KCNH8: variants seen among roughly 807,000 people sequenced by gnomAD.
The protein encoded by KCNH8 is potassium voltage-gated channel subfamily H member 8.
A neutral mutation model predicts 103.6 loss-of-function variants in KCNH8; 70 were observed. The ratio of observed to expected loss-of-function variants is 0.68; its 90% CI spans 0.56 to 0.82. The LOEUF is 0.82. Ranked by LOEUF, KCNH8 falls within the 40% of genes least tolerant of loss-of-function variation. KCNH8 has a pLI of 0.00. For missense variants in KCNH8, 1,217 were observed against 1,329.9 expected (o/e 0.92, Z 1.32); for synonymous variants, 498 against 489.4 (o/e 1.02, Z -0.23).
chr3:19,400,812 G>GA (rs1006514965), intron 7 of KCNH8, among the ~76,000 whole-genome samples: 5 of 150,476 alleles, frequency 3.3e-5, no homozygotes, highest in South Asian at 4.2e-4. Context: ...CCTTTTGTAA[G>GA]AAAAAAAAAT....
At chr3:19,376,527 C>T (rs1396447501) in intron 5 of KCNH8, among the ~76,000 whole-genome samples, 1 of 152,146 alleles carries the variant, frequency 6.6e-6, no homozygotes, top group Non-Finnish European at 1.5e-5. Flanking sequence ...GAACCCGGTA[C>T]CTCAGATGGA....
At position 19,515,244 on chromosome 3, in the gene KCNH8, A is replaced by G. The variant is rs578194983; in HGVS notation, c.2436-78A>G. Reference sequence around the variant, plus strand: ...ATCTAGAATTTAGAAATTTAACATAATATCTTTTAACTCTTTAAAAATACT... The same window carrying G: ...ATCTAGAATTTAGAAATTTAACATAGTATCTTTTAACTCTTTAAAAATACT... On this transcript the variant is annotated intron_variant, in intron 13 of 15. Coordinates refer to ENST00000328405, the MANE Select transcript of KCNH8 (RefSeq NM_144633.3). The G allele has an allele frequency of 5.4e-5, 41 of 756,502 alleles. No individual in the cohort carries two copies. The South Asian group carries it at 5.7e-4, about 11-fold the overall frequency. 46.9% of individuals were successfully genotyped at this position (756,502 alleles called of 1,614,324 possible). A position where few individuals can be genotyped will look rare whatever the true frequency, so the allele number is the denominator to read the frequency against.
chr3:19,301,794 C>T (rs1467632432), intron 3 of KCNH8, among the ~76,000 whole-genome samples: 8 of 152,222 alleles, frequency 5.3e-5, no homozygotes, highest in Non-Finnish European at 1.0e-4. Context: ...AATGGAGTTA[C>T]TACAACTACT....
intron 3 of KCNH8, among the ~76,000 whole-genome samples, chr3:19,291,183 T>C (rs1200618383): frequency 1.3e-4 from 20 of 152,296 alleles, no homozygotes; most frequent in Non-Finnish European, 7.4e-5. Flanking sequence ...ATTGATCTTT[T>C]CAAAAAACCA....
rs959805387 is a variant in KCNH8, at chr3:19,338,000, G to C, written c.443-4587G>C. Among the ~76,000 whole-genome samples the C allele has an allele frequency of 6.7e-4, 24 of 35,672 alleles. No homozygotes were observed. The African/African-American group carries it at 9.0e-3, about 13-fold the overall frequency. 23.4% of individuals were successfully genotyped at this position (35,672 alleles called of 152,430 possible). ...CACACACACGCAGAGAGAGAGAGGC[G>C]GGGGGGGGAGAAAGAGGGAGTTATT... On this transcript the variant is annotated intron_variant, in intron 3 of 15. Coordinates refer to ENST00000328405, the MANE Select transcript of KCNH8 (RefSeq NM_144633.3).
chr3:19,482,066 G>A (rs559127555), intron 11 of KCNH8, among the ~76,000 whole-genome samples: 1 of 152,204 alleles, frequency 6.6e-6, no homozygotes, highest in African/African-American at 2.4e-5. Context: ...CAACTCTAAG[G>A]GTGTCCATGT....
intron 11 of KCNH8, among the ~76,000 whole-genome samples, chr3:19,501,458 G>A (rs558117864): frequency 2.6e-5 from 4 of 152,256 alleles, no homozygotes; most frequent in African/African-American, 9.6e-5. Context: ...CCAAAGCCGG[G>A]CAGAGACACA....
chr3:19,336,149 A>T (rs1416927247), intron 3 of KCNH8, among the ~76,000 whole-genome samples: 1 of 151,746 alleles, frequency 6.6e-6, no homozygotes, highest in Non-Finnish European at 1.5e-5. Context: ...ATATTTTTAT[A>T]TCATGTATTT....
intron 3 of KCNH8, among the ~76,000 whole-genome samples, chr3:19,321,444 A>T (rs2065348868): frequency 6.6e-6 from 1 of 150,660 alleles, no homozygotes; most frequent in Admixed American, 6.6e-5. Context: ...GGACCTAATG[A>T]TCATTCAAGA....
chr3:19,429,854 A>G (rs116305522), intron 7 of KCNH8, among the ~76,000 whole-genome samples: 1,705 of 152,282 alleles, frequency 0.011, 30 homozygotes, highest in African/African-American at 0.037. Flanking sequence ...TTTGCTAAAG[A>G]TAATAGCCTC....
intron 7 of KCNH8, among the ~76,000 whole-genome samples, chr3:19,399,770 G>A (rs996158765): frequency 6.6e-6 from 1 of 151,876 alleles, no homozygotes; most frequent in African/African-American, 2.4e-5. Context: ...ATGTAGAACT[G>A]AAATAGCAAT....
chr3:19,181,728 G>T (rs1015396302), intron 1 of KCNH8, among the ~76,000 whole-genome samples: 6 of 152,096 alleles, frequency 3.9e-5, no homozygotes, highest in Non-Finnish European at 8.8e-5. Flanking sequence ...TGTCCTCATT[G>T]TCCCCTGTCT....
chr3:19,225,356 A>C (rs1175849177), intron 1 of KCNH8, among the ~76,000 whole-genome samples: 1 of 152,070 alleles, frequency 6.6e-6, no homozygotes, highest in African/African-American at 2.4e-5. Flanking sequence ...ATACAATATC[A>C]GTAGCTTAGA....
At chr3:19,276,834 A>G (rs769518999) in intron 2 of KCNH8, among the ~76,000 whole-genome samples, 1 of 152,180 alleles carries the variant, frequency 6.6e-6, no homozygotes, top group Non-Finnish European at 1.5e-5. Context: ...ACTTCCATAT[A>G]ATCCAGCAAT....
At chr3:19,474,223 C>A (rs1181889756) in intron 11 of KCNH8, among the ~76,000 whole-genome samples, 1 of 151,990 alleles carries the variant, frequency 6.6e-6, no homozygotes, top group Non-Finnish European at 1.5e-5. Context: ...TTGCAAAATC[C>A]CAGGATAAAC....
chr3:19,470,182 T>C (rs1438122050), intron 11 of KCNH8, among the ~76,000 whole-genome samples: 2 of 152,154 alleles, frequency 1.3e-5, no homozygotes, highest in South Asian at 2.1e-4. Flanking sequence ...TTGTAAACAA[T>C]AGACATTCAA....
intron 5 of KCNH8, among the ~76,000 whole-genome samples, chr3:19,374,233 T>C (rs1474782522): frequency 2.0e-5 from 3 of 151,528 alleles, no homozygotes; most frequent in Non-Finnish European, 2.9e-5. Flanking sequence ...ATTATTAATG[T>C]GTGGGAGTCT....
rs1035708399 is a variant in KCNH8 at position 19,250,674 on chromosome 3, C to G, written c.77-2980C>G. On this transcript the variant is annotated intron_variant, in intron 1 of 15. Transcript: ENST00000328405. ...CATCTCGATCTATTTTTGTCTTATT[C>G]CAACCTAACCATTTCAAAGCCCAGA... is the stretch of plus-strand genomic sequence containing the variant. Among the ~76,000 whole-genome samples the G allele has an allele frequency of 2.6e-5, 4 of 152,274 alleles. No individual in the cohort carries two copies. The East Asian group carries it at 7.7e-4, about 29-fold the overall frequency.
intron 7 of KCNH8, among the ~76,000 whole-genome samples, chr3:19,424,391 GATA>G (rs2066994942): frequency 1.3e-5 from 2 of 152,232 alleles, no homozygotes; most frequent in Non-Finnish European, 2.9e-5. Context: ...ATGGTGCTGG[GATA>G]ATTGGCAAGC....
Sources: gnomAD v4.1 joint callset for allele counts (sites outside exome capture counted in the v4.1 genomes callset) on GRCh38, gnomAD v4.1.1 for gene constraint, MANE v1.5 for transcripts, NCBI Gene and HGNC (gene_info 2026-07-23, HGNC 2026-07-21) for gene names.